The following SCAF8 variants were observed in gnomAD, a reference collection of about 807,000 sequenced individuals.
The protein encoded by SCAF8 is SR-related and CTD-associated factor 8.
A neutral mutation model predicts 140.5 loss-of-function variants in SCAF8; 23 were observed. The observed-to-expected ratio is 0.16, with a 90% confidence interval of 0.12 to 0.23. SCAF8 has a LOEUF of 0.23. SCAF8 is among the 10% of genes least tolerant of loss of function. SCAF8 has a pLI of 1.00. For missense variants in SCAF8, 1,397 were observed against 1,555.7 expected (o/e 0.90, Z 1.72); for synonymous variants, 575 against 528.9 (o/e 1.09, Z -1.20).
intron 15 of SCAF8, 131 bp downstream of exon 15, chr6:154,820,464 A>G: frequency 1.4e-6 from 1 of 692,720 alleles, no homozygotes; most frequent in South Asian, 2.0e-5. Flanking sequence ...AAGATACATT[A>G]CTATGCCCTA....
chr6:154,799,754 T>C (rs1173764342), intron 6 of SCAF8, among the ~76,000 whole-genome samples: 1 of 151,184 alleles, frequency 6.6e-6, no homozygotes, highest in Non-Finnish European at 1.5e-5. Context: ...AATGTCACTT[T>C]AATAAGGCCT....
chr6:154,750,447 T>TTGTCC (rs1778811312), intron 1 of SCAF8, among the ~76,000 whole-genome samples: 1 of 152,112 alleles, frequency 6.6e-6, no homozygotes, highest in South Asian at 2.1e-4. Flanking sequence ...ATCCTCAGGT[T>TTGTCC]TGTCCTCCCT....
At position 154,803,540 on chromosome 6, in the gene SCAF8, C is replaced by T. The variant is rs746458648; in HGVS notation, c.784-4C>T. The T allele has an allele frequency of 6.2e-7, 1 of 1,608,116 alleles. No individual in the cohort carries two copies. The highest frequency in any genetic ancestry group is 1.1e-5 in the South Asian group (1 of 90,306). ...ATATGTCTGTTTCTCCTTCTTTCCCCCAGAAGTTGATGGATAGGTTTGATT... is the reference window on the plus strand; with the variant it reads ...ATATGTCTGTTTCTCCTTCTTTCCCTCAGAAGTTGATGGATAGGTTTGATT... On this transcript the variant is annotated splice_polypyrimidine_tract_variant and splice_region_variant and intron_variant, in intron 7 of 19. Coordinates refer to ENST00000367178, the MANE Select transcript of SCAF8 (RefSeq NM_014892.5).
intron 4 of SCAF8, 145 bp downstream of exon 4, chr6:154,788,167 C>A: frequency 1.6e-6 from 1 of 638,420 alleles, no homozygotes; most frequent in Non-Finnish European, 2.6e-6. Context: ...TGGTGGTCTC[C>A]TAAGATTGTA....
chr6:154,787,593 A>G (rs1412391860), intron 3 of SCAF8, among the ~76,000 whole-genome samples: 1 of 152,162 alleles, frequency 6.6e-6, no homozygotes, highest in Admixed American at 6.5e-5. Context: ...AAAAATTATA[A>G]TGGTACCTTA....
Position 154,832,503 on chromosome 6 carries a change from T to C in SCAF8, c.2924T>C (p.Ile975Thr). Residue 975 changes from isoleucine to threonine, a missense_variant, in exon 20 of 20, where the codon ATT (isoleucine) becomes ACT (threonine). Physicochemically the swap from Ile to Thr is moderately conservative, Grantham distance 89. This residue lies in a region of SCAF8 where 930 missense variants were observed against 874.6 expected (regional missense o/e 1.06). Coordinates refer to ENST00000367178, the MANE Select transcript of SCAF8 (RefSeq NM_014892.5). ...CGTGGACCTTTTCCTCCAGGAGATA[T>C]TTTTAGTCAACCAGAAAGACCTTTT... Reference protein sequence around the residue: ...PPRGPFPPGDIFSQPERPFLA... With the variant: ...PPRGPFPPGDTFSQPERPFLA... The C allele has an allele frequency of 3.7e-6, 6 of 1,613,896 alleles. No homozygotes were observed. The highest frequency in any genetic ancestry group is 1.3e-5 in the African/African-American group (1 of 75,004).
At chr6:154,776,105 C>T (rs929873787) in intron 2 of SCAF8, among the ~76,000 whole-genome samples, 4 of 151,892 alleles carry the variant, frequency 2.6e-5, no homozygotes, top group African/African-American at 7.2e-5. Flanking sequence ...AACATTTTAA[C>T]GTTGTTGCAT....
intron 3 of SCAF8, among the ~76,000 whole-genome samples, chr6:154,784,782 C>T (rs1299014284): frequency 6.6e-6 from 1 of 152,152 alleles, no homozygotes; most frequent in Non-Finnish European, 1.5e-5. Context: ...GGAACGAATC[C>T]CCCAAGGCTA....
chr6:154,733,671 A>G lies in SCAF8; in HGVS notation c.-230A>G, dbSNP rs1778323098. On this transcript the variant is annotated 5_prime_UTR_variant, in exon 1 of 20. Transcript: ENST00000367178. ...CGCCCCGGCAGCGCCTCTGTTCCCT[A>G]GAACGGCGCTCCCCCCGCCCTAGCG... 15 of 1,297,458 alleles carry G rather than the reference A, an allele frequency of 1.2e-5. No individual in the cohort carries two copies. The South Asian group carries it at 2.1e-4, about 18-fold the overall frequency. The allele number at this position is 1,297,458 out of a possible 1,614,324, so 80.4% of individuals were successfully genotyped here.
At position 154,820,161 on chromosome 6, in the gene SCAF8, T is replaced by C. The variant is rs373932697; in HGVS notation, c.1636-16T>C. On this transcript the variant is annotated splice_polypyrimidine_tract_variant and intron_variant, in intron 14 of 19. Transcript: ENST00000367178. ...TATGTATAACCTTTCTTTTTTCCTC[T>C]TCCCATTTACAATAGATCGCTTGGG... The C allele has an allele frequency of 2.3e-4, 364 of 1,557,572 alleles. 6 individuals carry two copies. The South Asian group carries it at 4.4e-3, about 19-fold the overall frequency.
chr6:154,827,381 C>T (rs1420514867), intron 18 of SCAF8, 141 bp downstream of exon 18: 9 of 601,326 alleles, frequency 1.5e-5, no homozygotes, highest in Admixed American at 6.7e-5. Context: ...TTCTAAAATA[C>T]GGTAAATGAC....
chr6:154,777,340 A>T (rs1324584129), intron 2 of SCAF8, among the ~76,000 whole-genome samples: 4 of 152,246 alleles, frequency 2.6e-5, no homozygotes, highest in African/African-American at 7.2e-5. Context: ...GTTTATTCAT[A>T]GTGCTATATT....
At chr6:154,742,965 A>G (rs1180211387) in intron 1 of SCAF8, among the ~76,000 whole-genome samples, 1 of 150,804 alleles carries the variant, frequency 6.6e-6, no homozygotes, top group Non-Finnish European at 1.5e-5. Context: ...TTTTTTTTCC[A>G]TCTCCTGGGA....
intron 1 of SCAF8, among the ~76,000 whole-genome samples, chr6:154,769,231 A>G (rs1776668654): frequency 6.6e-6 from 1 of 152,190 alleles, no homozygotes; most frequent in Non-Finnish European, 1.5e-5. Flanking sequence ...TTTAAGGAAG[A>G]GTCTTAGATA....
chr6:154,805,838 C>T (rs886373376), intron 9 of SCAF8, among the ~76,000 whole-genome samples: 15 of 152,182 alleles, frequency 9.9e-5, no homozygotes, highest in African/African-American at 3.1e-4. Context: ...GTGTTTTTCT[C>T]TCTGTTCCCT....
At chr6:154,753,389 C>A (rs1315924683) in intron 1 of SCAF8, among the ~76,000 whole-genome samples, 1 of 152,142 alleles carries the variant, frequency 6.6e-6, no homozygotes, top group Non-Finnish European at 1.5e-5. Flanking sequence ...ATCGCTTGAA[C>A]CTGGGAGGCG....
chr6:154,741,336 T>C (rs1439182456), intron 1 of SCAF8, among the ~76,000 whole-genome samples: 2 of 152,170 alleles, frequency 1.3e-5, no homozygotes, highest in Non-Finnish European at 2.9e-5. Context: ...TTGAATTTGT[T>C]ATAGTAATTG....
At chr6:154,830,522 C>T (rs1778698855) in intron 18 of SCAF8, among the ~76,000 whole-genome samples, 1 of 152,044 alleles carries the variant, frequency 6.6e-6, no homozygotes, top group African/African-American at 2.4e-5. Context: ...ATGTTAGGAC[C>T]CTAGTACATT....
intron 5 of SCAF8, among the ~76,000 whole-genome samples, chr6:154,793,417 A>T (rs984635714): frequency 3.3e-5 from 5 of 151,954 alleles, no homozygotes; most frequent in African/African-American, 1.2e-4. Flanking sequence ...AATTTTTATC[A>T]AAGTAATTTA....
Sources: allele counts gnomAD v4.1 joint callset (sites outside exome capture counted in the v4.1 genomes callset), GRCh38; gene constraint gnomAD v4.1.1; regional missense constraint gnomAD v4.1.1; transcripts MANE v1.5; gene names NCBI Gene and HGNC (gene_info 2026-07-23, HGNC 2026-07-21).